Variants in DNAH7 observed in about 807,000 individuals in gnomAD.
DNAH7 encodes the protein dynein axonemal heavy chain 7.
DNAH7 carries 397 observed loss-of-function variants against 444.6 expected under a neutral mutation model. That is an observed-to-expected ratio of 0.89 (90% confidence interval 0.82 to 0.97). The LOEUF is 0.97. DNAH7 is among the 50% of genes least tolerant of loss of function. The pLI is 0.00. For synonymous variants in DNAH7, 1,636 were observed against 1,624.4 expected (o/e 1.01, Z -0.17); for missense variants, 4,902 against 4,800.8 (o/e 1.02, Z -0.62).
At chr2:195,937,682 A>T (rs1419862384) in intron 19 of DNAH7, among the ~76,000 whole-genome samples, 3 of 152,174 alleles carry the variant, frequency 2.0e-5, no homozygotes, top group Non-Finnish European at 2.9e-5. Context: ...TTGAAATAGA[A>T]TTCTTTTTAC....
At chr2:195,844,457 G>A (rs1303769786) in intron 47 of DNAH7, among the ~76,000 whole-genome samples, 1 of 152,240 alleles carries the variant, frequency 6.6e-6, no homozygotes, top group Non-Finnish European at 1.5e-5. Context: ...ACCTGGAGGA[G>A]AGGGTAAGGC....
At chr2:195,848,231 G>C (rs934183181) in intron 46 of DNAH7, among the ~76,000 whole-genome samples, 2 of 152,206 alleles carry the variant, frequency 1.3e-5, no homozygotes, top group African/African-American at 4.8e-5. Context: ...GGGCATCACA[G>C]TTTTGGGGGA....
intron 58 of DNAH7, among the ~76,000 whole-genome samples, chr2:195,786,344 A>G (rs1263084643): frequency 3.3e-5 from 5 of 152,208 alleles, no homozygotes; most frequent in Non-Finnish European, 7.4e-5. Flanking sequence ...AAGGCCTCAT[A>G]TTTTTATAGG....
chr2:195,909,923 T>G (rs1446051287), intron 25 of DNAH7, 104 bp downstream of exon 25: 10 of 1,214,948 alleles, frequency 8.2e-6, no homozygotes, highest in Non-Finnish European at 1.1e-5. Flanking sequence ...TTACTTTTAC[T>G]TAAGCTACAG....
At chr2:195,756,368 T>TGAGGGAGGAGCCAA in intron 61 of DNAH7, 83 bp from the exon 62 acceptor site, 4 of 1,199,118 alleles carry the variant, frequency 3.3e-6, no homozygotes, top group Non-Finnish European at 4.5e-6. Flanking sequence ...ACCTCCTTCA[T>TGAGGGAGGAGCCAA]GATTATCCTT....
chr2:195,877,691 C>T (rs1346530678), intron 36 of DNAH7, among the ~76,000 whole-genome samples: 2 of 152,082 alleles, frequency 1.3e-5, no homozygotes, highest in East Asian at 3.8e-4. Flanking sequence ...GCCAGGAGTA[C>T]GAGGAGGCAG....
At chr2:195,844,950 A>G in intron 47 of DNAH7, 52 bp downstream of exon 47, 8 of 1,520,268 alleles carry the variant, frequency 5.3e-6, no homozygotes, top group Non-Finnish European at 6.3e-6. Flanking sequence ...GAACACAGAT[A>G]AATCTACTGT....
rs1425033687 is a variant in DNAH7 at position 195,922,137 on chromosome 2, C to G, written c.3886G>C (p.Gly1296Arg). 2.5e-6 allele frequency: 4 copies of G among 1,613,218 alleles called. No homozygotes were observed. Among genetic ancestry groups the G allele is most frequent in the Non-Finnish European group, 2.5e-6 (3 of 1,179,342 alleles). The stretch of plus-strand genomic sequence containing the variant: ...GTAATAACCAGCCTAGGGGAATTAC[C>G]CAGATATTCATATCCATATCGCAAA... ...AGLRYGYEYLGNSPRLVITPL... is the reference protein window; with the variant it reads ...AGLRYGYEYLRNSPRLVITPL... The change falls in exon 24 of 65, where the codon GGT becomes CGT. Residue 1296 changes from glycine to arginine, a missense_variant. Transcript: ENST00000312428.
intron 37 of DNAH7, among the ~76,000 whole-genome samples, chr2:195,876,069 A>T (rs1246877292): frequency 6.6e-6 from 1 of 152,218 alleles, no homozygotes; most frequent in Non-Finnish European, 1.5e-5. Context: ...TTCGTAGGTT[A>T]ATAGCTTAGG....
intron 2 of DNAH7, among the ~76,000 whole-genome samples, chr2:196,053,021 G>A (rs1471771335): frequency 8.0e-6 from 1 of 124,406 alleles, no homozygotes; most frequent in Non-Finnish European, 1.7e-5. Flanking sequence ...TGCTTATGGA[G>A]TACACATTCT....
Position 196,064,829 on chromosome 2 carries a change from G to A in DNAH7, c.15+3868C>T, listed in dbSNP as rs1575133400. 2.0e-5 allele frequency among the ~76,000 whole-genome samples: 3 copies of A among 152,128 alleles called. No individual in the cohort carries two copies. In the Middle Eastern group the frequency reaches 0.01, roughly 517 times the overall value. The stretch of plus-strand genomic sequence containing the variant: ...TACAATGTATCCATTCCATTCTCTA[G>A]CGAATGAACATTTAACTTATTTCCA... On this transcript the variant is annotated intron_variant, in intron 1 of 64. Transcript: ENST00000312428.
In DNAH7 at chr2:196,044,201, A is replaced by ATGTGTG. The variant is rs150739697; in HGVS notation, c.398+3150_398+3151insCACACA. On this transcript the variant is annotated intron_variant, in intron 5 of 64. Coordinates refer to ENST00000312428, the MANE Select transcript of DNAH7 (RefSeq NM_018897.3). ...GATAAAAAAATGTTTATATATATAT[A>ATGTGTG]TATGTGTGTGTGTGTGTGTGTGTGT... Among the ~76,000 whole-genome samples the ATGTGTG allele has an allele frequency of 7.4e-3, 980 of 132,696 alleles. 7 individuals carry two copies. Among genetic ancestry groups the ATGTGTG allele is most frequent in the Non-Finnish European group, 0.011 (697 of 65,830 alleles). The allele number at this position is 132,696 out of a possible 152,430, so 87.1% of individuals were successfully genotyped here.
chr2:195,987,341 C>A (rs1692988306), intron 13 of DNAH7, 148 bp from the exon 14 acceptor site: 1 of 552,542 alleles, frequency 1.8e-6, no homozygotes, highest in South Asian at 3.5e-5. Flanking sequence ...GAGGGTTTTC[C>A]AAATAATCAT....
chr2:196,011,666 C>A (rs1694734316), intron 10 of DNAH7, among the ~76,000 whole-genome samples: 1 of 152,166 alleles, frequency 6.6e-6, no homozygotes, highest in Non-Finnish European at 1.5e-5. Context: ...TAAACACTTT[C>A]TGGCTCACTA....
At chr2:195,890,053 T>G (rs1701925639) in intron 31 of DNAH7, among the ~76,000 whole-genome samples, 1 of 152,238 alleles carries the variant, frequency 6.6e-6, no homozygotes, top group Non-Finnish European at 1.5e-5. Flanking sequence ...ACACCAATGA[T>G]TCCTTGCTTT....
intron 49 of DNAH7, among the ~76,000 whole-genome samples, chr2:195,818,999 A>C (rs1313143798): frequency 6.6e-6 from 1 of 151,174 alleles, no homozygotes; most frequent in Non-Finnish European, 1.5e-5. Context: ...ACCTCCCACT[A>C]CTCCCATTCA....
At chr2:195,892,988 C>T (rs528220713) in intron 30 of DNAH7, 3 of 152,112 alleles carry the variant, frequency 2.0e-5, no homozygotes, top group African/African-American at 7.2e-5. Flanking sequence ...ACTCTGTCAC[C>T]CAGGCTGGAG....
chr2:195,811,250 T>C (rs1437328397), intron 51 of DNAH7, among the ~76,000 whole-genome samples: 1 of 152,210 alleles, frequency 6.6e-6, no homozygotes, highest in Non-Finnish European at 1.5e-5. Flanking sequence ...AACACCTTTG[T>C]CCTAATTTTG....
At chr2:196,025,906 C>T (rs548930079) in intron 7 of DNAH7, among the ~76,000 whole-genome samples, 10 of 152,260 alleles carry the variant, frequency 6.6e-5, no homozygotes, top group Non-Finnish European at 1.2e-4. Context: ...ACTAGGTTTA[C>T]TATCATAACC....
Sources: gnomAD v4.1 joint callset for allele counts (sites outside exome capture counted in the v4.1 genomes callset) on GRCh38, gnomAD v4.1.1 for gene constraint, MANE v1.5 for transcripts, NCBI Gene and HGNC (gene_info 2026-07-23, HGNC 2026-07-21) for gene names.